The following CHRM3 variants were observed in gnomAD, a reference collection of about 807,000 sequenced individuals.
The protein encoded by CHRM3 is muscarinic acetylcholine receptor M3.
In CHRM3, 11 loss-of-function variants were observed where a neutral mutation model predicts 41.8. That is an observed-to-expected ratio of 0.26 (90% CI 0.17 to 0.44). The LOEUF (loss-of-function observed/expected upper bound fraction) is 0.44. Ranked by LOEUF, CHRM3 falls within the 20% of genes least tolerant of loss-of-function variation. CHRM3 has a pLI of 1.00. For synonymous variants in CHRM3, 297 were observed against 301.4 expected (o/e 0.99, Z 0.15); for missense variants, 571 against 745.4 (o/e 0.77, Z 2.72).
At chr1:239,429,249 T>G (rs1662634208) in intron 1 of CHRM3, among the ~76,000 whole-genome samples, 1 of 152,046 alleles carries the variant, frequency 6.6e-6, no homozygotes, top group Non-Finnish European at 1.5e-5. Context: ...ATCTAGTAAT[T>G]TTTATTTTTC....
intron 1 of CHRM3, among the ~76,000 whole-genome samples, chr1:239,462,868 T>TA (rs1665458978): frequency 6.6e-6 from 1 of 152,200 alleles, no homozygotes; most frequent in Admixed American, 6.6e-5. Context: ...GCAGACATTT[T>TA]AGAGAATCAA....
chr1:239,845,239 T>G (rs1265395283), intron 6 of CHRM3, among the ~76,000 whole-genome samples: 3 of 152,210 alleles, frequency 2.0e-5, no homozygotes, highest in Non-Finnish European at 4.4e-5. Context: ...GGACTTTATA[T>G]AAATAAGAGG....
At chr1:239,471,287 AG>A (rs1267290251) in intron 1 of CHRM3, among the ~76,000 whole-genome samples, 1 of 152,154 alleles carries the variant, frequency 6.6e-6, no homozygotes, top group East Asian at 1.9e-4. Context: ...ACTGAGCTAG[AG>A]GAGAGAGCTG....
At chr1:239,858,502 G>C (rs1009331058) in intron 6 of CHRM3, among the ~76,000 whole-genome samples, 2 of 137,216 alleles carry the variant, frequency 1.5e-5, no homozygotes, top group Middle Eastern at 3.8e-3. Flanking sequence ...ACCTTTATGT[G>C]CCATAGTATT....
At chr1:239,768,917 A>G (rs1667437698) in intron 5 of CHRM3, among the ~76,000 whole-genome samples, 1 of 152,038 alleles carries the variant, frequency 6.6e-6, no homozygotes, top group African/African-American at 2.4e-5. Context: ...GGCACGCGCC[A>G]CCATGCCCAA....
chr1:239,869,762 C>T (rs968303598), intron 6 of CHRM3, among the ~76,000 whole-genome samples: 36 of 152,184 alleles, frequency 2.4e-4, no homozygotes, highest in African/African-American at 8.2e-4. Flanking sequence ...ATGTGAACTC[C>T]TGTAGGGAGA....
At chr1:239,808,916 T>G (rs2148967646) in intron 5 of CHRM3, among the ~76,000 whole-genome samples, 1 of 152,252 alleles carries the variant, frequency 6.6e-6, no homozygotes, top group African/African-American at 2.4e-5. Flanking sequence ...AAGTTCCCAC[T>G]TAAGCACTGC....
intron 5 of CHRM3, among the ~76,000 whole-genome samples, chr1:239,761,258 T>C (rs496302): frequency 0.84 from 127,197 of 151,904 alleles, 54,495 homozygotes; most frequent in East Asian, 0.97. Flanking sequence ...TTATATGATT[T>C]TCCTTATCAT....
At chr1:239,450,061 CA>C (rs1664451806) in intron 1 of CHRM3, among the ~76,000 whole-genome samples, 1 of 152,162 alleles carries the variant, frequency 6.6e-6, no homozygotes, top group South Asian at 2.1e-4. Context: ...ACACGTTTTG[CA>C]CGTTGTTGCC....
chr1:239,760,954 A>G (rs1439147230), intron 5 of CHRM3, among the ~76,000 whole-genome samples: 1 of 149,148 alleles, frequency 6.7e-6, no homozygotes, highest in African/African-American at 2.5e-5. Context: ...GTCTTCAGAT[A>G]TCTTATCTGT....
chr1:239,743,615 G>A (rs998328338), intron 5 of CHRM3, among the ~76,000 whole-genome samples: 1 of 151,976 alleles, frequency 6.6e-6, no homozygotes, highest in Non-Finnish European at 1.5e-5. Flanking sequence ...AGGGAGAGGA[G>A]CTTGTGCCAT....
At position 239,386,974 on chromosome 1, in the gene CHRM3, C is replaced by A. The variant is rs1169687443; in HGVS notation, c.-774C>A. The A allele has an allele frequency of 1.3e-5, 2 of 152,056 alleles. No individual in the cohort carries two copies. Among genetic ancestry groups the A allele is most frequent in the Non-Finnish European group, 1.5e-5 (1 of 67,978 alleles). 9.4% of individuals were successfully genotyped at this position (152,056 alleles called of 1,614,324 possible). ...GGCGGAGCGCTCTCAGACCCCGGAG[C>A]GCACACCGCGGGGCCATCGGTGCCA... On this transcript the variant is annotated 5_prime_UTR_variant, in exon 1 of 7. Transcript: ENST00000676153.
intron 3 of CHRM3, among the ~76,000 whole-genome samples, chr1:239,554,477 T>C (rs1206951720): frequency 3.3e-5 from 5 of 152,072 alleles, no homozygotes; most frequent in Non-Finnish European, 7.4e-5. Context: ...TGTGTATGTG[T>C]GTGCACGCAC....
intron 5 of CHRM3, among the ~76,000 whole-genome samples, chr1:239,702,174 T>G (rs1318636862): frequency 6.6e-6 from 1 of 152,150 alleles, no homozygotes; most frequent in African/African-American, 2.4e-5. Context: ...GTTGACTTAT[T>G]TACCTTTTAA....
intron 1 of CHRM3, among the ~76,000 whole-genome samples, chr1:239,489,451 G>A (rs900166197): frequency 4.6e-5 from 7 of 151,860 alleles, no homozygotes; most frequent in Non-Finnish European, 1.0e-4. Context: ...GAACAACTTC[G>A]TTTCTCATTC....
At chr1:239,627,876 T>C (rs1669179084) in intron 3 of CHRM3, among the ~76,000 whole-genome samples, 1 of 151,180 alleles carries the variant, frequency 6.6e-6, no homozygotes, top group African/African-American at 2.5e-5. Flanking sequence ...AGATCCGCTG[T>C]TAGTCTGATG....
At chr1:239,529,869 G>T (rs1268527340) in intron 2 of CHRM3, among the ~76,000 whole-genome samples, 1 of 151,924 alleles carries the variant, frequency 6.6e-6, no homozygotes, top group East Asian at 1.9e-4. Flanking sequence ...TATTTGACGA[G>T]AACTCTTCAA....
chr1:239,717,995 T>C (rs1282590234), intron 5 of CHRM3, among the ~76,000 whole-genome samples: 5 of 152,200 alleles, frequency 3.3e-5, no homozygotes, highest in Non-Finnish European at 7.4e-5. Flanking sequence ...GACAAGTAAA[T>C]GGTATAGGTG....
At chr1:239,509,543 C>T (rs1017911726) in intron 2 of CHRM3, among the ~76,000 whole-genome samples, 2 of 152,114 alleles carry the variant, frequency 1.3e-5, no homozygotes, top group African/African-American at 2.4e-5. Context: ...TCACAAACTT[C>T]TGGAATCATG....
Sources: allele counts gnomAD v4.1 joint callset (sites outside exome capture counted in the v4.1 genomes callset), GRCh38; gene constraint gnomAD v4.1.1; transcripts MANE v1.5; gene names NCBI Gene and HGNC (gene_info 2026-07-23, HGNC 2026-07-21).